The following CLVS1 variants were observed in gnomAD, a reference collection of about 807,000 sequenced individuals.
CLVS1 encodes the protein clavesin 1.
Under a neutral mutation model 33.1 loss-of-function variants are expected in CLVS1, and 10 were observed. The observed-to-expected ratio is 0.30, with a 90% confidence interval of 0.19 to 0.51. The LOEUF (loss-of-function observed/expected upper bound fraction) is 0.51. CLVS1 is among the 20% of genes least tolerant of loss of function. CLVS1 has a pLI of 0.97. For synonymous variants in CLVS1, 163 were observed against 166.1 expected, an observed-to-expected ratio of 0.98 and a Z score of 0.14; for missense variants, 343 against 433.4, an observed-to-expected ratio of 0.79 and a Z score of 1.85.
chr8:61,191,526 G>A (rs532556091), intron 2 of CLVS1, among the ~76,000 whole-genome samples: 2 of 152,118 alleles, frequency 1.3e-5, no homozygotes, highest in Admixed American at 6.6e-5. Context: ...TCTGGCCAGG[G>A]CAATTAGGCA....
chr8:61,320,328 CATTTT>C (rs1244786564), intron 2 of CLVS1, among the ~76,000 whole-genome samples: 1 of 151,168 alleles, frequency 6.6e-6, no homozygotes, highest in Non-Finnish European at 1.5e-5. Context: ...TTGCTGTATA[CATTTT>C]ATTTTTATTT....
chr8:61,183,168 C>A (rs1441421747), intron 2 of CLVS1, among the ~76,000 whole-genome samples: 1 of 151,492 alleles, frequency 6.6e-6, no homozygotes, highest in Non-Finnish European at 1.5e-5. Flanking sequence ...GGGGCAGGCA[C>A]AAGTGGAGGG....
At chr8:61,145,119 T>A (rs572824999) in intron 2 of CLVS1, among the ~76,000 whole-genome samples, 13 of 152,260 alleles carry the variant, frequency 8.5e-5, no homozygotes, top group Admixed American at 7.2e-4. Flanking sequence ...TCTAATAAAC[T>A]AAAAAGCTTC....
upstream of CLVS1, among the ~76,000 whole-genome samples, chr8:61,053,635 G>T (rs1030280705): frequency 7.2e-5 from 11 of 152,082 alleles, no homozygotes; most frequent in African/African-American, 2.7e-4. Context: ...CTCCTCCCCT[G>T]GTCACAGAGA....
At chr8:61,233,673 G>T (rs990561986) in intron 2 of CLVS1, among the ~76,000 whole-genome samples, 2 of 152,186 alleles carry the variant, frequency 1.3e-5, no homozygotes, top group Non-Finnish European at 2.9e-5. Context: ...GTGCCCCCTG[G>T]CCTCTCACTG....
chr8:61,428,718 T>A (rs1012771339), intron 3 of CLVS1, among the ~76,000 whole-genome samples: 14 of 152,242 alleles, frequency 9.2e-5, no homozygotes, highest in Non-Finnish European at 1.6e-4. Flanking sequence ...TCCCAGGACC[T>A]CCACATATAC....
intron 3 of CLVS1, among the ~76,000 whole-genome samples, chr8:61,432,513 T>C (rs1488049972): frequency 3.9e-5 from 6 of 152,186 alleles, no homozygotes; most frequent in Non-Finnish European, 8.8e-5. Context: ...CATGTGAAGA[T>C]GCTGGAAACA....
At chr8:61,305,763 G>A (rs1018359910) in intron 2 of CLVS1, among the ~76,000 whole-genome samples, 3 of 152,072 alleles carry the variant, frequency 2.0e-5, no homozygotes, top group African/African-American at 7.2e-5. Context: ...ATGTGTCCAT[G>A]TGTTCTCAAC....
chr8:61,033,110 A>G, the CLVS1 span, among the ~76,000 whole-genome samples: 24,742 of 87,378 alleles, frequency 0.28, 5,195 homozygotes, highest in African/African-American at 0.37. Context: ...ATAGAAAGAA[A>G]GAAGGAAGGA....
At chr8:61,235,621 A>C (rs1009002656) in intron 2 of CLVS1, among the ~76,000 whole-genome samples, 1 of 152,200 alleles carries the variant, frequency 6.6e-6, no homozygotes. Context: ...CTAGTAGGGG[A>C]AAGGAGAGTT....
intron 2 of CLVS1, among the ~76,000 whole-genome samples, chr8:61,332,202 A>G (rs1450994227): frequency 2.0e-5 from 3 of 152,106 alleles, no homozygotes; most frequent in African/African-American, 7.2e-5. Context: ...TGGGATGTAG[A>G]CTTTCATTTA....
At chr8:61,396,412 C>T (rs1814530198) in intron 3 of CLVS1, among the ~76,000 whole-genome samples, 1 of 152,194 alleles carries the variant, frequency 6.6e-6, no homozygotes, top group Middle Eastern at 3.4e-3. Context: ...TAAAAATCAA[C>T]CATAATTCCT....
intron 3 of CLVS1, among the ~76,000 whole-genome samples, chr8:61,379,364 C>T (rs1015676308): frequency 7.9e-5 from 12 of 151,548 alleles, no homozygotes; most frequent in African/African-American, 2.9e-4. Flanking sequence ...GGTTATGAAA[C>T]CCTCCCCCCC....
chr8:61,219,922 T>TGAG (rs1808174137), intron 2 of CLVS1, among the ~76,000 whole-genome samples: 1 of 152,248 alleles, frequency 6.6e-6, no homozygotes, highest in Admixed American at 6.5e-5. Context: ...TTTTTTCATA[T>TGAG]GTTTGTTGGC....
At chr8:61,243,532 G>A in intron 2 of CLVS1, among the ~76,000 whole-genome samples, 1 of 152,166 alleles carries the variant, frequency 6.6e-6, no homozygotes, top group East Asian at 1.9e-4. Context: ...CACCGTGACT[G>A]TGACTGCCCT....
At chr8:61,464,009 G>A (rs534573043) in intron 5 of CLVS1, among the ~76,000 whole-genome samples, 26 of 149,678 alleles carry the variant, frequency 1.7e-4, no homozygotes, top group East Asian at 1.2e-3. Flanking sequence ...GGCGGGTGGA[G>A]GTTGTAGCAA....
chr8:61,046,406 T>C, the CLVS1 span, among the ~76,000 whole-genome samples: 1 of 146,728 alleles, frequency 6.8e-6, no homozygotes, highest in Non-Finnish European at 1.5e-5. Context: ...GTAGTATAGT[T>C]TGAAGTCAGG....
At chr8:61,235,412 G>T (rs908785158) in intron 2 of CLVS1, among the ~76,000 whole-genome samples, 42 of 152,202 alleles carry the variant, frequency 2.8e-4, no homozygotes, top group African/African-American at 9.9e-4. Flanking sequence ...ACCTAGTACT[G>T]TGCTATTATC....
chr8:61,107,195 G>A (rs1310175142), intron 1 of CLVS1, among the ~76,000 whole-genome samples: 3 of 152,228 alleles, frequency 2.0e-5, no homozygotes, highest in Non-Finnish European at 1.5e-5. Flanking sequence ...AGAGTGAGAC[G>A]TGTTCTATCT....
Sources: gnomAD v4.1 joint callset for allele counts (sites outside exome capture counted in the v4.1 genomes callset) on GRCh38, gnomAD v4.1.1 for gene constraint, MANE v1.5 for transcripts, NCBI Gene and HGNC (gene_info 2026-07-23, HGNC 2026-07-21) for gene names.